MAD1L1: variants seen among roughly 807,000 people sequenced by gnomAD.
The protein encoded by MAD1L1 is mitotic spindle assembly checkpoint protein MAD1.
In MAD1L1, 95 loss-of-function variants were observed where a neutral mutation model predicts 96.9. The ratio of observed to expected loss-of-function variants is 0.98; its 90% CI spans 0.83 to 1.16. The LOEUF (loss-of-function observed/expected upper bound fraction) is 1.16. Among genes scored for constraint, MAD1L1 ranks in the 50% most tolerant of loss-of-function variants. The pLI, the probability that MAD1L1 is intolerant of heterozygous loss-of-function variation, is 0.00. For missense variants in MAD1L1, 1,007 were observed against 954.4 expected (o/e 1.06, Z -0.73); for synonymous variants, 473 against 396.6 (o/e 1.19, Z -2.29).
intron 10 of MAD1L1, among the ~76,000 whole-genome samples, chr7:2,153,804 A>G (rs1789693554): frequency 6.6e-6 from 1 of 152,260 alleles, no homozygotes; most frequent in Non-Finnish European, 1.5e-5. Context: ...CTATCGACAG[A>G]CGAATGGATA....
intron 17 of MAD1L1, among the ~76,000 whole-genome samples, chr7:1,930,934 T>C (rs951505231): frequency 3.3e-5 from 5 of 152,136 alleles, no homozygotes; most frequent in Non-Finnish European, 7.4e-5. Flanking sequence ...TCCGTCTCTG[T>C]CTCAGGCTCA....
intron 18 of MAD1L1, among the ~76,000 whole-genome samples, chr7:1,880,829 C>G (rs1196031986): frequency 1.3e-5 from 2 of 152,344 alleles, no homozygotes; most frequent in African/African-American, 4.8e-5. Flanking sequence ...AGAGATGGAA[C>G]TGAGAGACGG....
Position 2,158,218 on chromosome 7 carries a change from G to A in MAD1L1, c.987-8980C>T, listed in dbSNP as rs534803516. 3.9e-5 allele frequency among the ~76,000 whole-genome samples: 6 copies of A among 152,344 alleles called. No homozygotes were observed. In the South Asian group the frequency reaches 6.2e-4, roughly 16 times the overall value. ...AGCAGCAGAGGGCTGTGGGGAGTCC[G>A]GCCTACTGCTTTCCTTCCGAGGCGA... On this transcript the variant is annotated intron_variant, in intron 10 of 18. Transcript: ENST00000265854.
chr7:2,220,202 CT>C (rs1793521792), intron 5 of MAD1L1, among the ~76,000 whole-genome samples: 1 of 152,182 alleles, frequency 6.6e-6, no homozygotes, highest in Non-Finnish European at 1.5e-5. Context: ...AGGCCGTGCG[CT>C]TGGAACGGGA....
At chr7:2,031,128 C>T (rs1427327600) in intron 12 of MAD1L1, among the ~76,000 whole-genome samples, 1 of 152,240 alleles carries the variant, frequency 6.6e-6, no homozygotes, top group Non-Finnish European at 1.5e-5. Flanking sequence ...TACGCGAGCT[C>T]TCCTGAAGGC....
chr7:2,056,771 C>A (rs957119129), intron 12 of MAD1L1, among the ~76,000 whole-genome samples: 1 of 152,202 alleles, frequency 6.6e-6, no homozygotes, highest in Non-Finnish European at 1.5e-5. Context: ...TGTGGGGCCA[C>A]AGAAACCTAC....
At chr7:2,084,474 C>T (rs897450719) in intron 11 of MAD1L1, among the ~76,000 whole-genome samples, 2 of 152,238 alleles carry the variant, frequency 1.3e-5, no homozygotes, top group Admixed American at 6.5e-5. Context: ...GTGCCGGGGA[C>T]GAGGGAGCAG....
intron 16 of MAD1L1, among the ~76,000 whole-genome samples, chr7:1,938,748 A>G (rs62442919): frequency 0.6 from 81,192 of 135,984 alleles, 21,948 homozygotes; most frequent in South Asian, 0.73. Context: ...GCGCGCACGC[A>G]CACACACACA....
chr7:1,890,627 A>T (rs1209897030), intron 18 of MAD1L1, among the ~76,000 whole-genome samples: 1 of 152,232 alleles, frequency 6.6e-6, no homozygotes, highest in East Asian at 1.9e-4. Flanking sequence ...AGGCAAGCCC[A>T]TCCTGCCAGT....
intron 12 of MAD1L1, among the ~76,000 whole-genome samples, chr7:2,015,693 C>T (rs1161699535): frequency 6.6e-6 from 1 of 152,234 alleles, no homozygotes; most frequent in Admixed American, 6.5e-5. Flanking sequence ...AGGCTGGCGA[C>T]CTTCTCCTGC....
intron 18 of MAD1L1, among the ~76,000 whole-genome samples, chr7:1,888,131 T>C (rs1027010552): frequency 3.3e-5 from 5 of 151,054 alleles, no homozygotes; most frequent in Non-Finnish European, 7.4e-5. Flanking sequence ...GAGCATTGTG[T>C]GCATGTGGCT....
chr7:1,970,613 C>T (rs909903013), intron 15 of MAD1L1, among the ~76,000 whole-genome samples: 1 of 152,096 alleles, frequency 6.6e-6, no homozygotes, highest in Non-Finnish European at 1.5e-5. Flanking sequence ...AGATAAAAGG[C>T]GTGAGCCACC....
rs141404108 is a variant in MAD1L1 at position 2,230,071 on chromosome 7, G to A, written c.63C>T (p.Ile21=). The change falls in exon 3 of 19, where the codon ATC becomes ATT. Residue 21 remains isoleucine, a synonymous_variant. Coordinates refer to ENST00000265854, the MANE Select transcript of MAD1L1 (RefSeq NM_001013836.2). The part of the protein sequence containing the change: ...LSTLRSLNNF[I]SQRVEGGSGL... ...CAGAGCCTCCCTCCACACGCTGAGA[G>A]ATGAAGTTGTTCAAAGATCTCAGGG... The A allele has an allele frequency of 2.1e-5, 34 of 1,612,882 alleles. No homozygotes were observed. Among genetic ancestry groups the A allele is most frequent in the Non-Finnish European group, 2.9e-5 (34 of 1,179,466 alleles).
chr7:2,028,339 G>T (rs1402778787), intron 12 of MAD1L1, among the ~76,000 whole-genome samples: 1 of 151,004 alleles, frequency 6.6e-6, no homozygotes, highest in African/African-American at 2.4e-5. Context: ...GCAAGAGAAT[G>T]GCGCGAACCC....
rs1365383032 is a variant in MAD1L1, at chr7:1,939,023, ATG to A, written c.1597-2128_1597-2127del. On this transcript the variant is annotated intron_variant, in intron 16 of 18. Coordinates refer to ENST00000265854, the MANE Select transcript of MAD1L1 (RefSeq NM_001013836.2). ...CGCACACACACACACACACACACAC[ATG>A]GGCCAGGGCTGGGGCCAGAGGCACA... Among the ~76,000 whole-genome samples the A allele has an allele frequency of 3.6e-3, 411 of 115,136 alleles. 9 individuals carry two copies. Among genetic ancestry groups the A allele is most frequent in the African/African-American group, 0.014 (400 of 29,530 alleles). 75.5% of individuals were successfully genotyped at this position (115,136 alleles called of 152,430 possible).
rs572644432 is a variant in MAD1L1, at chr7:1,871,986, T to C, written c.1998+26214A>G. ...AAAGCAGAGGGAGGGAGAGACAGGA[T>C]GAAGACCTCTCATCTCCAGGCTCTG... On this transcript the variant is annotated intron_variant, in intron 18 of 18. Coordinates refer to ENST00000265854, the MANE Select transcript of MAD1L1 (RefSeq NM_001013836.2). 2.0e-5 allele frequency among the ~76,000 whole-genome samples: 3 copies of C among 152,240 alleles called. 1 individual carries two copies. The highest frequency in any genetic ancestry group is 7.2e-5 in the African/African-American group (3 of 41,536).
intron 3 of MAD1L1, among the ~76,000 whole-genome samples, chr7:2,227,676 T>A (rs1793973123): frequency 6.6e-6 from 1 of 152,218 alleles, no homozygotes; most frequent in Non-Finnish European, 1.5e-5. Flanking sequence ...CCTTTACTCC[T>A]ATGTTACTGT....
intron 18 of MAD1L1, among the ~76,000 whole-genome samples, chr7:1,871,981 C>T (rs937558449): frequency 6.6e-6 from 1 of 152,132 alleles, no homozygotes; most frequent in African/African-American, 2.4e-5. Flanking sequence ...GAGGGAGAGA[C>T]AGGATGAAGA....
intron 12 of MAD1L1, among the ~76,000 whole-genome samples, chr7:2,059,306 G>C (rs1784528379): frequency 6.8e-6 from 1 of 146,280 alleles, no homozygotes. Context: ...GGCCAGAAGA[G>C]AGAAGCAGGG....
Sources: gnomAD v4.1 joint callset for allele counts (sites outside exome capture counted in the v4.1 genomes callset) on GRCh38, gnomAD v4.1.1 for gene constraint, MANE v1.5 for transcripts, NCBI Gene and HGNC (gene_info 2026-07-23, HGNC 2026-07-21) for gene names.